Variants in ALG1 observed in about 807,000 individuals in gnomAD.
ALG1 encodes ALG1 chitobiosyldiphosphodolichol beta-mannosyltransferase.
Under a neutral mutation model 55.1 loss-of-function variants are expected in ALG1, and 58 were observed. The ratio of observed to expected loss-of-function variants is 1.05; its 90% confidence interval spans 0.85 to 1.31. The LOEUF (loss-of-function observed/expected upper bound fraction) is 1.31, where lower values mean the gene tolerates loss of function less well. ALG1 is among the 50% of genes most tolerant of loss of function. The pLI is 0.00. For synonymous variants in ALG1, 309 were observed against 247.0 expected, an observed-to-expected ratio of 1.25 and a Z score of -2.35; for missense variants, 761 against 598.6, an observed-to-expected ratio of 1.27 and a Z score of -2.83.
At chr16:5,075,768 G>A (rs1363919482) in intron 4 of ALG1, among the ~76,000 whole-genome samples, 1 of 152,262 alleles carries the variant, frequency 6.6e-6, no homozygotes, top group Non-Finnish European at 1.5e-5. Context: ...GGTTGGTTTC[G>A]AGCTCAGCAG....
rs1349303425 is a variant in ALG1, at chr16:5,077,316, A to G, written c.540-129A>G. The G allele has an allele frequency of 6.2e-6, 5 of 803,894 alleles. No individual in the cohort carries two copies. The Admixed American group carries it at 7.6e-5, about 12-fold the overall frequency. The allele number at this position is 803,894 out of a possible 1,614,324, so 49.8% of individuals were successfully genotyped here. On this transcript the variant is annotated intron_variant, in intron 4 of 12. Transcript: ENST00000262374. ...CAGCATAAAGAAAGAACACTGGCAC[A>G]GCTGGGGCTCAGGGAGCTCAAACTC...
intron 6 of ALG1, chr16:5,078,445 C>T (rs1277251026): frequency 3.2e-6 from 2 of 618,254 alleles, no homozygotes; most frequent in East Asian, 3.5e-5. Context: ...CTGAGGTGTG[C>T]CCTGGGTAAG....
In ALG1 at chr16:5,071,980, G is replaced by T. The variant is rs1336732262; in HGVS notation, c.131G>T (p.Gly44Val). The T allele has an allele frequency of 6.3e-7, 1 of 1,594,738 alleles. No homozygotes were observed. Among genetic ancestry groups the T allele is most frequent in the South Asian group, 1.1e-5 (1 of 88,646 alleles). Residue 44 changes from glycine (G) to valine (V), a missense_variant, in exon 1 of 13, where the codon GGC (glycine) becomes GTC (valine). Physicochemically the swap from Gly to Val is moderately radical, Grantham distance 109. Coordinates refer to ENST00000262374, the MANE Select transcript of ALG1 (RefSeq NM_019109.5). ...GTAGCGGTGGTGCTGGGCGACGTGG[G>T]CCGCAGCCCCCGTATGCAGTACCAC... ...HVVAVVLGDV[G>V]RSPRMQYHAL...
intron 1 of ALG1, among the ~76,000 whole-genome samples, chr16:5,072,576 C>T (rs1956835932): frequency 6.6e-6 from 1 of 152,200 alleles, no homozygotes; most frequent in African/African-American, 2.4e-5. Flanking sequence ...GGGAACAGCA[C>T]TAGTTGCCTT....
At chr16:5,077,081 G>A (rs1265614868) in intron 4 of ALG1, among the ~76,000 whole-genome samples, 3 of 152,024 alleles carry the variant, frequency 2.0e-5, no homozygotes, top group Non-Finnish European at 4.4e-5. Context: ...CACCGCGCCT[G>A]GCCTGTATTT....
chr16:5,075,341 C>G (rs1956890501), intron 3 of ALG1, 47 bp from the exon 4 acceptor site: 1 of 1,599,386 alleles, frequency 6.3e-7, no homozygotes, highest in Non-Finnish European at 8.6e-7. Context: ...GGTTTATTGC[C>G]TAGCATGGTC....
intron 1 of ALG1, 64 bp from the exon 2 acceptor site, chr16:5,072,887 G>T: frequency 1.4e-6 from 2 of 1,418,430 alleles, no homozygotes; most frequent in Non-Finnish European, 2.0e-6. Flanking sequence ...AGCCTGAGTT[G>T]GGAGATTATC....
chr16:5,079,032 C>G (rs1956967769), intron 7 of ALG1, 32 bp from the exon 8 acceptor site: 1 of 1,604,668 alleles, frequency 6.2e-7, no homozygotes, highest in Non-Finnish European at 8.5e-7. Flanking sequence ...TGTCTAGAAA[C>G]AGGCCCCTGA....
At chr16:5,073,112 A>G (rs781771521) in intron 2 of ALG1, 41 bp from the exon 3 acceptor site, 3 of 1,612,862 alleles carry the variant, frequency 1.9e-6, no homozygotes, top group Non-Finnish European at 2.5e-6. Flanking sequence ...GCAGATTGCC[A>G]GACGCTCCTT....
intron 3 of ALG1, among the ~76,000 whole-genome samples, chr16:5,073,584 C>G (rs752853027): frequency 6.0e-4 from 91 of 152,282 alleles, no homozygotes; most frequent in Non-Finnish European, 1.1e-3. Flanking sequence ...GATGAGAAAA[C>G]CTAGACTGAG....
Position 5,077,469 on chromosome 16 carries a change from G to C in ALG1, c.564G>C (p.Leu188=), listed in dbSNP as rs1356556957. 6.2e-7 allele frequency: 1 copy of C among 1,614,202 alleles called. No individual in the cohort carries two copies. The highest frequency in any genetic ancestry group is 2.2e-5 in the East Asian group (1 of 44,886). The change falls in exon 5 of 13, where the codon CTG becomes CTC. Residue 188 remains leucine, a synonymous_variant. Transcript: ENST00000262374. ...GGTACGAGAAGTTCTTTGGGCGCCT[G>C]TCCCACCTGAACCTGTGTGTTACCA... ...AKWYEKFFGR[L]SHLNLCVTNA... is the part of the protein sequence containing the mutation.
At chr16:5,072,130 G>A in intron 1 of ALG1, 73 bp downstream of exon 1, 1 of 1,548,790 alleles carries the variant, frequency 6.5e-7, no homozygotes, top group Non-Finnish European at 8.7e-7. Context: ...GCCCCGGGGA[G>A]TCGAGGCGGA....
At chr16:5,076,527 C>A (rs1007608821) in intron 4 of ALG1, among the ~76,000 whole-genome samples, 1 of 152,230 alleles carries the variant, frequency 6.6e-6, no homozygotes, top group Non-Finnish European at 1.5e-5. Context: ...ACCAAAATAT[C>A]CCAGGCAAGC....
intron 12 of ALG1, 187 bp from the exon 13 acceptor site, chr16:5,084,563 C>T (rs1957082004): frequency 2.1e-6 from 2 of 968,246 alleles, no homozygotes; most frequent in African/African-American, 3.2e-5. Flanking sequence ...GGGAAGTTTC[C>T]AGAAACTGTG....
chr16:5,076,948 C>T (rs1204726942), intron 4 of ALG1, among the ~76,000 whole-genome samples: 2 of 152,062 alleles, frequency 1.3e-5, no homozygotes, highest in African/African-American at 2.4e-5. Context: ...GCACCCACCA[C>T]CACGCCTGGC....
intron 1 of ALG1, 61 bp from the exon 2 acceptor site, chr16:5,072,890 A>C: frequency 6.9e-7 from 1 of 1,448,908 alleles, no homozygotes; most frequent in Non-Finnish European, 9.7e-7. Flanking sequence ...CTGAGTTGGG[A>C]GATTATCTGA....
At chr16:5,073,535 G>A (rs1956857222) in intron 3 of ALG1, 1 of 488,120 alleles carries the variant, frequency 2.0e-6, no homozygotes, top group Non-Finnish European at 3.7e-6. Context: ...TTGCATGTAG[G>A]TAATACAAGA....
intron 9 of ALG1, 49 bp downstream of exon 9, chr16:5,079,856 G>A (rs1197286130): frequency 4.4e-6 from 7 of 1,585,740 alleles, no homozygotes; most frequent in Non-Finnish European, 6.1e-6. Flanking sequence ...ATGGCGGAGG[G>A]GGAGGGGCAC....
chr16:5,074,953 A>G (rs921061662), intron 3 of ALG1, among the ~76,000 whole-genome samples: 2 of 152,138 alleles, frequency 1.3e-5, no homozygotes, highest in Non-Finnish European at 2.9e-5. Flanking sequence ...CCCAGGCTGG[A>G]GTGCAGTGGC....
Sources: gnomAD v4.1 joint callset for allele counts (sites outside exome capture counted in the v4.1 genomes callset) on GRCh38, gnomAD v4.1.1 for gene constraint, MANE v1.5 for transcripts, NCBI Gene and HGNC (gene_info 2026-07-23, HGNC 2026-07-21) for gene names.